Variants in COBLL1 observed in about 807,000 individuals in gnomAD.
COBLL1 encodes cordon-bleu protein-like 1.
Under a neutral mutation model 94.8 loss-of-function variants are expected in COBLL1, and 50 were observed. That is an observed-to-expected ratio of 0.53 (90% CI 0.42 to 0.67). The LOEUF (loss-of-function observed/expected upper bound fraction) is 0.67. Among genes scored for constraint, COBLL1 ranks in the 30% least tolerant of loss-of-function variants. The probability of loss-of-function intolerance (pLI) is 0.00; values close to 1 mark genes in which losing one functional copy is unlikely to be tolerated. For synonymous variants in COBLL1, 448 were observed against 473.8 expected, an observed-to-expected ratio of 0.95 and a Z score of 0.71; for missense variants, 1,362 against 1,348.7, an observed-to-expected ratio of 1.01 and a Z score of -0.15.
intron 2 of COBLL1, among the ~76,000 whole-genome samples, chr2:164,805,603 A>G (rs1053866391): frequency 6.6e-6 from 1 of 151,600 alleles, no homozygotes; most frequent in Admixed American, 6.6e-5. Flanking sequence ...CTTTTCAGTT[A>G]GGCTTCTTTC....
At chr2:164,840,098 C>T (rs955795296) in intron 2 of COBLL1, among the ~76,000 whole-genome samples, 1 of 152,120 alleles carries the variant, frequency 6.6e-6, no homozygotes, top group Non-Finnish European at 1.5e-5. Flanking sequence ...TCTAAGGAAA[C>T]GCCTGTCATG....
intron 1 of COBLL1, among the ~76,000 whole-genome samples, chr2:164,667,207 T>C (rs1691173728): frequency 6.6e-6 from 1 of 152,214 alleles, no homozygotes; most frequent in Admixed American, 6.5e-5. Flanking sequence ...TTCTAAGCAA[T>C]TGATGTCAAC....
At chr2:164,679,005 T>G (rs1049582996), downstream of COBLL1, among the ~76,000 whole-genome samples, 1 of 152,190 alleles carries the variant, frequency 6.6e-6, no homozygotes, top group African/African-American at 2.4e-5. Context: ...TTTCCTCTTA[T>G]ATTCACATTA....
chr2:164,660,693 G>T (rs966884801), intron 2 of COBLL1, among the ~76,000 whole-genome samples: 5 of 152,200 alleles, frequency 3.3e-5, no homozygotes, highest in Admixed American at 2.0e-4. Context: ...CATTTTTCTG[G>T]AAAATGATAC....
chr2:164,703,214 A>G, intron 9 of COBLL1: 4 of 1,609,974 alleles, frequency 2.5e-6, no homozygotes, highest in Non-Finnish European at 3.4e-6. Flanking sequence ...CCCAGGGTGA[A>G]AGGTTTCTGC....
intron 5 of COBLL1, chr2:164,724,267 T>C (rs1213331866): frequency 6.7e-6 from 1 of 149,460 alleles, no homozygotes; most frequent in South Asian, 2.2e-4. Context: ...AAATAACTCG[T>C]TGTTACATGT....
At chr2:164,815,962 A>G (rs1206800616) in intron 2 of COBLL1, among the ~76,000 whole-genome samples, 2 of 152,152 alleles carry the variant, frequency 1.3e-5, no homozygotes, top group African/African-American at 4.8e-5. Context: ...TTGAAAACCC[A>G]GTAGGGACAA....
chr2:164,793,161 T>C (rs1683275718), intron 2 of COBLL1, among the ~76,000 whole-genome samples: 1 of 152,194 alleles, frequency 6.6e-6, no homozygotes, highest in Non-Finnish European at 1.5e-5. Flanking sequence ...ATAATGTAAT[T>C]CAAACCTGTG....
In COBLL1 at chr2:164,681,660, GGAA is replaced by G. The variant is rs1683048356; in HGVS notation, c.*4283_*4285del. On this transcript the variant is annotated 3_prime_UTR_variant, in exon 14 of 14. Coordinates refer to ENST00000652658, the MANE Select transcript of COBLL1 (RefSeq NM_001365672.2). The stretch of plus-strand genomic sequence containing the variant: ...CTATCGCTATCGCAAGGCGTGGGCT[GGAA>G]ACTAAGAATAAACTGGGGAGCAAAA... The G allele has an allele frequency of 6.6e-6, 1 of 152,180 alleles. No homozygotes were observed. Among genetic ancestry groups the G allele is most frequent in the Non-Finnish European group, 1.5e-5 (1 of 68,028 alleles). 9.4% of individuals were successfully genotyped at this position (152,180 alleles called of 1,614,324 possible).
chr2:164,760,389 G>T (rs1256219937), intron 2 of COBLL1, among the ~76,000 whole-genome samples: 1 of 152,130 alleles, frequency 6.6e-6, no homozygotes, highest in African/African-American at 2.4e-5. Flanking sequence ...AAATTTGGAG[G>T]CATGATGAGA....
chr2:164,730,417 G>A (rs1193851799), intron 3 of COBLL1, among the ~76,000 whole-genome samples: 2 of 151,392 alleles, frequency 1.3e-5, no homozygotes, highest in African/African-American at 2.4e-5. Flanking sequence ...AGAACAACAC[G>A]AGCTCTGGAA....
rs747930176 is a variant in COBLL1 at position 164,659,797 on chromosome 2, G to T, written n.182-5883C>A. ...TATTCTGGATTTTTTTTCTTTTATTGATCATTTTTCTCTGTCCTTGCTCTA... is the reference window on the plus strand; with the variant it reads ...TATTCTGGATTTTTTTTCTTTTATTTATCATTTTTCTCTGTCCTTGCTCTA... On this transcript the variant is annotated intron_variant and non_coding_transcript_variant, in intron 2 of 2. Coordinates refer to the COBLL1 transcript ENST00000495084. Among the ~76,000 whole-genome samples, 8 of 151,898 alleles carry T rather than the reference G, an allele frequency of 5.3e-5. No individual in the cohort carries two copies. The East Asian group carries it at 1.4e-3, about 26-fold the overall frequency.
rs17185842 is a variant in COBLL1 at position 164,718,148 on chromosome 2, T to C, written c.996+3927A>G. The C allele has an allele frequency of 7.7e-3, 3,889 of 506,982 alleles. 24 individuals carry two copies. The highest frequency in any genetic ancestry group is 0.01 in the Middle Eastern group (10 of 994). 31.4% of individuals were successfully genotyped at this position (506,982 alleles called of 1,614,324 possible). ...TGACACATTCTCATTGTATATACTA[T>C]ACCTGGCTATGAAAGCAGTGATTAA... On this transcript the variant is annotated intron_variant, in intron 7 of 13. Transcript: ENST00000652658.
chr2:164,821,068 T>C (rs1488542212), intron 2 of COBLL1, among the ~76,000 whole-genome samples: 3 of 152,076 alleles, frequency 2.0e-5, no homozygotes, highest in Admixed American at 6.5e-5. Flanking sequence ...TTTTTATTTT[T>C]AGTAGAGATG....
chr2:164,742,013 C>A (rs1686623835), intron 3 of COBLL1, among the ~76,000 whole-genome samples: 1 of 152,030 alleles, frequency 6.6e-6, no homozygotes, highest in Non-Finnish European at 1.5e-5. Context: ...TGATGAGATT[C>A]CACCATTCTC....
At chr2:164,815,960 C>T (rs1210076387) in intron 2 of COBLL1, among the ~76,000 whole-genome samples, 1 of 151,804 alleles carries the variant, frequency 6.6e-6, no homozygotes, top group Non-Finnish European at 1.5e-5. Flanking sequence ...TTTTGAAAAC[C>T]CAGTAGGGAC....
At chr2:164,786,200 C>G (rs1688948177) in intron 2 of COBLL1, among the ~76,000 whole-genome samples, 1 of 152,152 alleles carries the variant, frequency 6.6e-6, no homozygotes, top group Non-Finnish European at 1.5e-5. Context: ...TGTTTGGAGT[C>G]TTTTCTGACT....
At chr2:164,744,591 G>T (rs533714172) in intron 2 of COBLL1, among the ~76,000 whole-genome samples, 1 of 152,110 alleles carries the variant, frequency 6.6e-6, no homozygotes, top group South Asian at 2.1e-4. Flanking sequence ...GCAGACAGGT[G>T]GGGGGATCCA....
chr2:164,688,926 CAG>C (rs1553468354), intron 13 of COBLL1, among the ~76,000 whole-genome samples: 1 of 152,022 alleles, frequency 6.6e-6, no homozygotes, highest in East Asian at 1.9e-4. Flanking sequence ...TTTAGTAAAT[CAG>C]AGACCATCAA....
Sources: gnomAD v4.1 joint callset for allele counts (sites outside exome capture counted in the v4.1 genomes callset) on GRCh38, gnomAD v4.1.1 for gene constraint, MANE v1.5 for transcripts, NCBI Gene and HGNC (gene_info 2026-07-23, HGNC 2026-07-21) for gene names.